The following OR9Q1 variants were observed in gnomAD, a reference collection of about 807,000 sequenced individuals.
The protein encoded by OR9Q1 is olfactory receptor 9Q1.
For missense variants in OR9Q1, 374 were observed against 378.8 expected, an observed-to-expected ratio of 0.99 and a Z score of 0.11; for synonymous variants, 153 against 148.6, an observed-to-expected ratio of 1.03 and a Z score of -0.22.
At chr11:58,060,563 C>T (rs944438977) in intron 2 of OR9Q1, among the ~76,000 whole-genome samples, 3 of 151,944 alleles carry the variant, frequency 2.0e-5, no homozygotes, top group Non-Finnish European at 1.5e-5. Context: ...TAGTGGGTGC[C>T]CATATGATGT....
chr11:58,089,223 G>A (rs1346011057), intron 2 of OR9Q1, among the ~76,000 whole-genome samples: 1 of 151,786 alleles, frequency 6.6e-6, no homozygotes, highest in Non-Finnish European at 1.5e-5. Context: ...CTTTTCCCAT[G>A]CCTATGTCTT....
intron 2 of OR9Q1, among the ~76,000 whole-genome samples, chr11:58,064,264 A>G (rs1028552845): frequency 5.9e-5 from 9 of 152,224 alleles, no homozygotes; most frequent in African/African-American, 1.9e-4. Flanking sequence ...GCACTAGTCC[A>G]TGGACCAGCA....
intron 2 of OR9Q1, among the ~76,000 whole-genome samples, chr11:58,134,172 A>G (rs974423441): frequency 3.9e-5 from 6 of 152,214 alleles, no homozygotes; most frequent in African/African-American, 1.4e-4. Context: ...TGTTCTACCT[A>G]GGAATTTCCA....
At chr11:58,055,452 G>T (rs758661170) in intron 1 of OR9Q1, among the ~76,000 whole-genome samples, 3 of 152,082 alleles carry the variant, frequency 2.0e-5, no homozygotes, top group Non-Finnish European at 4.4e-5. Flanking sequence ...AAGAGGTGGG[G>T]CAGTTTCAGA....
At chr11:58,143,317 T>C (rs1366070836) in intron 2 of OR9Q1, among the ~76,000 whole-genome samples, 2 of 152,244 alleles carry the variant, frequency 1.3e-5, no homozygotes, top group African/African-American at 4.8e-5. Context: ...GTTAATTAAA[T>C]TGCTCAAGGT....
chr11:58,039,269 G>A (rs929414766), intron 1 of OR9Q1, among the ~76,000 whole-genome samples: 2 of 152,200 alleles, frequency 1.3e-5, no homozygotes, highest in African/African-American at 2.4e-5. Flanking sequence ...GATTACTAGC[G>A]TGAGCCACTG....
intron 2 of OR9Q1, among the ~76,000 whole-genome samples, chr11:58,167,102 T>C (rs1376946307): frequency 6.6e-6 from 1 of 152,200 alleles, no homozygotes; most frequent in Non-Finnish European, 1.5e-5. Context: ...CTTCCACTTA[T>C]AAGTGAGAAT....
intron 1 of OR9Q1, among the ~76,000 whole-genome samples, chr11:58,036,438 TG>T (rs1476196941): frequency 3.3e-5 from 5 of 152,198 alleles, no homozygotes; most frequent in Admixed American, 3.3e-4. Flanking sequence ...CCATAGCCCA[TG>T]GTACAAGTAG....
intron 2 of OR9Q1, among the ~76,000 whole-genome samples, chr11:58,153,491 G>C (rs542106617): frequency 6.6e-6 from 1 of 151,986 alleles, no homozygotes; most frequent in Non-Finnish European, 1.5e-5. Context: ...GGAAGGGTGG[G>C]TCATGCTCTA....
chr11:58,095,170 G>C (rs917309597), intron 2 of OR9Q1, among the ~76,000 whole-genome samples: 4 of 152,188 alleles, frequency 2.6e-5, no homozygotes, highest in African/African-American at 9.6e-5. Flanking sequence ...TTCTACAGCA[G>C]GGCTTTTTAG....
intron 1 of OR9Q1, among the ~76,000 whole-genome samples, chr11:58,053,902 A>G (rs1853301142): frequency 6.6e-6 from 1 of 151,840 alleles, no homozygotes; most frequent in Non-Finnish European, 1.5e-5. Context: ...GGGATCTAAT[A>G]TCCACCATAG....
intron 1 of OR9Q1, chr11:58,041,808 T>G (rs1853166374): frequency 6.6e-6 from 1 of 152,172 alleles, no homozygotes; most frequent in Non-Finnish European, 1.5e-5. Context: ...TCAGTCTCAA[T>G]TGGATGGGCC....
chr11:58,173,537 TG>T (rs1457690999), intron 2 of OR9Q1, among the ~76,000 whole-genome samples: 4 of 152,022 alleles, frequency 2.6e-5, no homozygotes, highest in Non-Finnish European at 5.9e-5. Flanking sequence ...AGTCTATCAT[TG>T]TTGGACATTT....
intron 2 of OR9Q1, among the ~76,000 whole-genome samples, chr11:58,142,950 A>C (rs1854264696): frequency 6.6e-6 from 1 of 152,174 alleles, no homozygotes; most frequent in African/African-American, 2.4e-5. Flanking sequence ...GCTTGGCAGG[A>C]ACAGAGAGGA....
chr11:58,090,848 A>G (rs963875732), intron 2 of OR9Q1, among the ~76,000 whole-genome samples: 2 of 152,034 alleles, frequency 1.3e-5, no homozygotes, highest in Non-Finnish European at 2.9e-5. Flanking sequence ...CAGGGATTCA[A>G]CTTCTTTCTG....
intron 2 of OR9Q1, among the ~76,000 whole-genome samples, chr11:58,095,483 A>G (rs1412669424): frequency 6.6e-6 from 1 of 152,208 alleles, no homozygotes; most frequent in Non-Finnish European, 1.5e-5. Context: ...TTTATAAAGG[A>G]AAGAGGTTTA....
intron 1 of OR9Q1, among the ~76,000 whole-genome samples, chr11:58,027,974 G>C (rs1852992105): frequency 6.6e-6 from 1 of 151,194 alleles, no homozygotes; most frequent in Non-Finnish European, 1.5e-5. Flanking sequence ...GGGGGCATCT[G>C]TACCAGGCCC....
chr11:58,056,361 C>A (rs74877210), intron 2 of OR9Q1, among the ~76,000 whole-genome samples: 1 of 152,128 alleles, frequency 6.6e-6, no homozygotes, highest in Admixed American at 6.6e-5. Context: ...ATCTCCCTTC[C>A]TTCTGCTGGA....
At chr11:58,178,933 T>TA (rs1374501179) in intron 2 of OR9Q1, among the ~76,000 whole-genome samples, 1 of 144,080 alleles carries the variant, frequency 6.9e-6, no homozygotes, top group African/African-American at 2.5e-5. Context: ...ATATTATATA[T>TA]TTATATATAA....
Sources: gnomAD v4.1 joint callset for allele counts (sites outside exome capture counted in the v4.1 genomes callset) on GRCh38, gnomAD v4.1.1 for gene constraint, MANE v1.5 for transcripts, NCBI Gene and HGNC (gene_info 2026-07-23, HGNC 2026-07-21) for gene names.